The following UBXN7 variants were observed in gnomAD, a reference collection of about 807,000 sequenced individuals.
The protein encoded by UBXN7 is UBX domain-containing protein 7.
Under a neutral mutation model 58.0 loss-of-function variants are expected in UBXN7, and 9 were observed. The ratio of observed to expected loss-of-function variants is 0.16; its 90% confidence interval spans 0.09 to 0.27. The LOEUF is 0.27. Among genes scored for constraint, UBXN7 ranks in the 10% least tolerant of loss-of-function variants. The probability of loss-of-function intolerance (pLI) is 1.00; values close to 1 mark genes in which losing one functional copy is unlikely to be tolerated. For synonymous variants in UBXN7, 208 were observed against 205.0 expected, an observed-to-expected ratio of 1.01 and a Z score of -0.12; for missense variants, 328 against 599.6, an observed-to-expected ratio of 0.55 and a Z score of 4.73.
chr3:196,370,743 C>A (rs576028852), intron 6 of UBXN7, among the ~76,000 whole-genome samples: 6 of 150,822 alleles, frequency 4.0e-5, no homozygotes, highest in African/African-American at 1.5e-4. Context: ...AAAATTGAGC[C>A]GGCACGGTGA....
Position 196,368,064 on chromosome 3 carries a change from T to C in UBXN7, c.798A>G (p.Gly266=). 1 of 1,614,036 alleles carries C rather than the reference T, an allele frequency of 6.2e-7. No individual in the cohort carries two copies. Among genetic ancestry groups the C allele is most frequent in the Non-Finnish European group, 8.5e-7 (1 of 1,179,968 alleles). ...GFLGEHGQLD[G]LSSSPPKKCA... ...ATTTTTTGGGGGGACTGCTAGAAAGTCCATCCAGTTGTCCATGTTCACCCA... is the reference window on the plus strand; with the variant it reads ...ATTTTTTGGGGGGACTGCTAGAAAGCCCATCCAGTTGTCCATGTTCACCCA... Residue 266 remains glycine (G), a synonymous_variant, in exon 8 of 11, where the codon GGA becomes GGG. Transcript: ENST00000296328.
chr3:196,422,205 C>G (rs1730710161), intron 1 of UBXN7, among the ~76,000 whole-genome samples: 1 of 151,652 alleles, frequency 6.6e-6, no homozygotes, highest in South Asian at 2.1e-4. Context: ...ATCTCAAAAA[C>G]AAAAAACAAA....
chr3:196,400,941 A>G (rs1223502632), intron 3 of UBXN7, among the ~76,000 whole-genome samples: 1 of 152,056 alleles, frequency 6.6e-6, no homozygotes, highest in African/African-American at 2.4e-5. Flanking sequence ...TTTTAAAATT[A>G]TGAGCAATAT....
At chr3:196,417,700 T>G (rs1730540129) in intron 1 of UBXN7, among the ~76,000 whole-genome samples, 1 of 124,120 alleles carries the variant, frequency 8.1e-6, no homozygotes, top group African/African-American at 3.1e-5. Context: ...CTCACAAGTT[T>G]GAGACCAGTC....
chr3:196,415,599 T>C (rs1174923945), intron 1 of UBXN7, among the ~76,000 whole-genome samples: 3 of 146,166 alleles, frequency 2.1e-5, no homozygotes, highest in Non-Finnish European at 1.5e-5. Flanking sequence ...CATGGTGAAA[T>C]CCCGTCTCTA....
In UBXN7 at chr3:196,362,342, T is replaced by A. The variant is rs765847850; in HGVS notation, c.1180A>T (p.Met394Leu). 2 of 1,613,114 alleles carry A rather than the reference T, an allele frequency of 1.2e-6. No homozygotes were observed. The highest frequency in any genetic ancestry group is 2.2e-5 in the East Asian group (1 of 44,896). ...LPAVDSEILE[M>L]PPEKADGVVE... ...ACTCCATCTGCTTTTTCAGGTGGCA[T>A]CTCCAGTATCTCTGAATCCACAGCT... Residue 394 changes from methionine to leucine, a missense_variant, in exon 9 of 11, where the codon ATG becomes TTG. By Grantham distance (15) the Met-to-Leu change is conservative. Around this residue, in one of 4 missense-constraint regions of UBXN7, gnomAD observed 66 missense variants for 77.9 expected, o/e 0.85. Transcript: ENST00000296328.
intron 2 of UBXN7, among the ~76,000 whole-genome samples, chr3:196,403,659 T>C (rs1229207550): frequency 1.3e-5 from 2 of 152,172 alleles, no homozygotes; most frequent in Admixed American, 6.6e-5. Flanking sequence ...ATAGGCTTAA[T>C]AGAAGCAATA....
At position 196,348,748 on chromosome 3, in the gene UBXN7, A is replaced by C. The variant is rs1728141328; in HGVS notation, c.*7937T>G. On this transcript the variant is annotated 3_prime_UTR_variant, in exon 11 of 11. Transcript: ENST00000296328. ...GGTTTGGAAAATGACATGAAACATG[A>C]AACATGTTTAAAAACACAATCAATG... 1 of 152,186 alleles carries C rather than the reference A, an allele frequency of 6.6e-6. No homozygotes were observed. The highest frequency in any genetic ancestry group is 2.4e-5 in the African/African-American group (1 of 41,434). The allele number at this position is 152,186 out of a possible 1,614,324, so 9.4% of individuals were successfully genotyped here. A position where few individuals can be genotyped will look rare whatever the true frequency, so the allele number is the denominator to read the frequency against.
chr3:196,391,693 C>G lies in UBXN7; in HGVS notation c.468+120G>C, dbSNP rs557476879. ...AGGCTGCAGTGAGCTATGATTGTGT[C>G]ACTGCAGTCCAGCCTGGACGACAGA... On this transcript the variant is annotated intron_variant, in intron 5 of 10. Transcript: ENST00000296328. 1.4e-5 allele frequency: 9 copies of G among 651,344 alleles called. No individual in the cohort carries two copies. The Admixed American group carries it at 2.9e-4, about 21-fold the overall frequency. 40.3% of individuals were successfully genotyped at this position (651,344 alleles called of 1,614,324 possible).
At chr3:196,416,702 C>T (rs1056551947) in intron 1 of UBXN7, among the ~76,000 whole-genome samples, 12 of 152,104 alleles carry the variant, frequency 7.9e-5, no homozygotes. Flanking sequence ...AAAATACTTC[C>T]AATTCAGAGA....
intron 1 of UBXN7, among the ~76,000 whole-genome samples, chr3:196,430,429 G>A (rs1730992213): frequency 4.6e-5 from 7 of 151,286 alleles, no homozygotes; most frequent in Admixed American, 4.6e-4. Flanking sequence ...TTGCTCTGTT[G>A]CCAGGGATGG....
intron 1 of UBXN7, chr3:196,431,351 T>TA (rs1731040557): frequency 6.6e-6 from 1 of 152,404 alleles, no homozygotes; most frequent in East Asian, 1.9e-4. Flanking sequence ...CTCCGCCCTC[T>TA]AATAACTCAT....
At chr3:196,413,225 C>A (rs1730386328) in intron 1 of UBXN7, among the ~76,000 whole-genome samples, 1 of 152,072 alleles carries the variant, frequency 6.6e-6, no homozygotes. Context: ...GTAATCCCAG[C>A]TACTGGGCAG....
intron 5 of UBXN7, among the ~76,000 whole-genome samples, chr3:196,387,422 G>A (rs1163031930): frequency 6.6e-6 from 1 of 152,032 alleles, no homozygotes; most frequent in Admixed American, 6.5e-5. Context: ...GGCAACAAAA[G>A]CCAAAATAGA....
At chr3:196,418,382 T>C (rs1041188395) in intron 1 of UBXN7, among the ~76,000 whole-genome samples, 6 of 152,164 alleles carry the variant, frequency 3.9e-5, no homozygotes, top group African/African-American at 7.2e-5. Flanking sequence ...TGAATATATA[T>C]AGCTTATGGA....
intron 10 of UBXN7, among the ~76,000 whole-genome samples, chr3:196,360,809 A>G (rs1728485758): frequency 6.6e-6 from 1 of 152,182 alleles, no homozygotes; most frequent in Non-Finnish European, 1.5e-5. Flanking sequence ...GGATTACTTG[A>G]GTCCAAGAGT....
rs151142315 is a variant in UBXN7, at chr3:196,420,484, T to C, written c.73+11843A>G. Among the ~76,000 whole-genome samples, 572 of 151,440 alleles carry C rather than the reference T, an allele frequency of 3.8e-3. 6 individuals are homozygous for C. Among genetic ancestry groups the C allele is most frequent in the African/African-American group, 0.013 (542 of 41,172 alleles). On this transcript the variant is annotated intron_variant, in intron 1 of 10. Coordinates refer to ENST00000296328, the MANE Select transcript of UBXN7 (RefSeq NM_015562.2). ...AGGTGGAGGTTGCAGTGAGCCAAGA[T>C]TGCGCCATTGCACTCCAGCCTGGGT...
chr3:196,421,780 CAA>C (rs879319663), intron 1 of UBXN7, among the ~76,000 whole-genome samples: 3 of 125,856 alleles, frequency 2.4e-5, no homozygotes, highest in Non-Finnish European at 3.5e-5. Context: ...CATCTCAAAC[CAA>C]AAAAAAAAAA....
intron 1 of UBXN7, among the ~76,000 whole-genome samples, chr3:196,411,498 T>C (rs1268170770): frequency 6.6e-6 from 1 of 152,012 alleles, no homozygotes; most frequent in African/African-American, 2.4e-5. Context: ...TAAAGAGAAG[T>C]GAAAATAACA....
Sources: allele counts gnomAD v4.1 joint callset (sites outside exome capture counted in the v4.1 genomes callset), GRCh38; gene constraint gnomAD v4.1.1; regional missense constraint gnomAD v4.1.1; transcripts MANE v1.5; gene names NCBI Gene and HGNC (gene_info 2026-07-23, HGNC 2026-07-21).